Variants in ANKRD44 observed in about 807,000 individuals in gnomAD.
The protein encoded by ANKRD44 is ankyrin repeat domain 44, also known as serine/threonine-protein phosphatase 6 regulatory ankyrin repeat subunit B.
Under a neutral mutation model 116.0 loss-of-function variants are expected in ANKRD44, and 35 were observed. The ratio of observed to expected loss-of-function variants is 0.30; its 90% confidence interval spans 0.23 to 0.40. The LOEUF (loss-of-function observed/expected upper bound fraction) is 0.40. Among genes scored for constraint, ANKRD44 ranks in the 10% least tolerant of loss-of-function variants. ANKRD44 has a pLI of 1.00. For missense variants in ANKRD44, 1,014 were observed against 1,242.6 expected (o/e 0.82, Z 2.77); for synonymous variants, 435 against 461.8 (o/e 0.94, Z 0.74).
chr2:197,138,182 A>G (rs942068486), intron 3 of ANKRD44, among the ~76,000 whole-genome samples: 4 of 152,216 alleles, frequency 2.6e-5, no homozygotes, highest in South Asian at 2.1e-4. Flanking sequence ...TGCTTTGTAA[A>G]TTGCAAGGCA....
chr2:197,076,965 T>C (rs1168861896), intron 16 of ANKRD44, among the ~76,000 whole-genome samples: 1 of 152,228 alleles, frequency 6.6e-6, no homozygotes, highest in East Asian at 1.9e-4. Context: ...GCAATGAACA[T>C]ACATATGCAT....
chr2:197,122,807 C>A lies in ANKRD44; in HGVS notation c.551-15G>T. On this transcript the variant is annotated splice_polypyrimidine_tract_variant and intron_variant, in intron 6 of 27. Coordinates refer to ENST00000282272, the MANE Select transcript of ANKRD44 (RefSeq NM_001195144.2). ...ATCCAAGTGGCCTTTACAAACAAAG[C>A]AGCAGAAAACATCGTTAACCTTTAT... is the stretch of plus-strand genomic sequence containing the variant. 3 of 1,611,108 alleles carry A rather than the reference C, an allele frequency of 1.9e-6. No individual in the cohort carries two copies. Among genetic ancestry groups the A allele is most frequent in the Non-Finnish European group, 2.5e-6 (3 of 1,178,940 alleles).
chr2:197,200,075 T>A (rs1218926400), intron 1 of ANKRD44, among the ~76,000 whole-genome samples: 1 of 152,210 alleles, frequency 6.6e-6, no homozygotes, highest in Non-Finnish European at 1.5e-5. Context: ...CCTAAAAGAC[T>A]GCCAAATATA....
chr2:197,220,108 G>T (rs1050500512), intron 1 of ANKRD44, among the ~76,000 whole-genome samples: 1 of 152,188 alleles, frequency 6.6e-6, no homozygotes, highest in East Asian at 1.9e-4. Context: ...ACACAAGAAT[G>T]AAAGTGTACA....
chr2:197,298,672 C>T (rs146885802), intron 1 of ANKRD44, among the ~76,000 whole-genome samples: 175 of 152,274 alleles, frequency 1.1e-3, no homozygotes, highest in African/African-American at 4.0e-3. Context: ...CCTGTAATCT[C>T]AGCACTTTGG....
intron 2 of ANKRD44, among the ~76,000 whole-genome samples, chr2:197,169,524 T>C (rs1219785453): frequency 6.6e-6 from 1 of 152,202 alleles, no homozygotes; most frequent in East Asian, 1.9e-4. Context: ...TGAATAAATT[T>C]ACTTGCATAC....
At chr2:197,105,792 C>G (rs568829997) in intron 9 of ANKRD44, among the ~76,000 whole-genome samples, 1 of 152,164 alleles carries the variant, frequency 6.6e-6, no homozygotes, top group Non-Finnish European at 1.5e-5. Flanking sequence ...CCCACAGATA[C>G]CTCAGAGCAA....
rs533712657 is a variant in ANKRD44, at chr2:197,128,293, A to G, written c.262-2256T>C. Among the ~76,000 whole-genome samples, 10 of 152,226 alleles carry G rather than the reference A, an allele frequency of 6.6e-5. No homozygotes were observed. In the East Asian group the frequency reaches 1.5e-3, roughly 24 times the overall value. On this transcript the variant is annotated intron_variant, in intron 4 of 27. Transcript: ENST00000282272. ...AGCTTTCCTTTTTCTCTGCAACCTC[A>G]CCAGCATCTCTTGTTTCTTGACATT...
rs886564406 is a variant in ANKRD44 at position 197,285,685 on chromosome 2, C to G, written c.27+24893G>C. 3.3e-5 allele frequency among the ~76,000 whole-genome samples: 5 copies of G among 152,198 alleles called. No homozygotes were observed. In the East Asian group the frequency reaches 7.7e-4, roughly 24 times the overall value. ...CACCGTTTGCTCATCTCAGGCATGC[C>G]CCCAGTCACAAATTCCTGCAAAATA... On this transcript the variant is annotated intron_variant, in intron 1 of 27. Transcript: ENST00000282272.
Position 196,978,988 on chromosome 2 carries a change from A to G in ANKRD44, c.2369-11542T>C, listed in dbSNP as rs532254911. Among the ~76,000 whole-genome samples, 294 of 152,172 alleles carry G rather than the reference A, an allele frequency of 1.9e-3. 2 individuals are homozygous for G. Among genetic ancestry groups the G allele is most frequent in the African/African-American group, 6.9e-3 (286 of 41,548 alleles). ...AAATAGATATAGCATAGTCGTAAAGATTATTAATTCTGGAGCCACTTGACT... is the reference window on the plus strand; with the variant it reads ...AAATAGATATAGCATAGTCGTAAAGGTTATTAATTCTGGAGCCACTTGACT... On this transcript the variant is annotated intron_variant, in intron 21 of 21. Transcript: ENST00000424317.
intron 1 of ANKRD44, among the ~76,000 whole-genome samples, chr2:197,222,440 A>G (rs932982876): frequency 1.2e-4 from 19 of 152,202 alleles, no homozygotes; most frequent in African/African-American, 4.3e-4. Context: ...TCAGATCCCC[A>G]TCACTTGTGG....
At chr2:197,078,418 C>A in intron 16 of ANKRD44, 1 of 622,930 alleles carries the variant, frequency 1.6e-6, no homozygotes, top group Non-Finnish European at 2.4e-6. Flanking sequence ...CATGGCAATG[C>A]TGGTGTTAGG....
Position 197,206,950 on chromosome 2 carries a change from T to G in ANKRD44, c.28-19844A>C, listed in dbSNP as rs184069942. 1.4e-3 allele frequency among the ~76,000 whole-genome samples: 207 copies of G among 152,304 alleles called. 1 individual carries two copies. Among genetic ancestry groups the G allele is most frequent in the African/African-American group, 4.9e-3 (205 of 41,570 alleles). ...GACTGTCTGCTCTCAGTGTATTTCATTCAAGGAAAGTAAGAAAAATTTACC... is the reference window on the plus strand; with the variant it reads ...GACTGTCTGCTCTCAGTGTATTTCAGTCAAGGAAAGTAAGAAAAATTTACC... On this transcript the variant is annotated intron_variant, in intron 1 of 27. Transcript: ENST00000282272.
In ANKRD44 at chr2:197,247,396, A is replaced by T. The variant is rs117750194; in HGVS notation, c.28-60290T>A. ...TATGGCTTCCCAGTCCAGGAAACAG[A>T]TTCCTTACAATGTACCCTTTTGTTC... On this transcript the variant is annotated intron_variant, in intron 1 of 27. Transcript: ENST00000282272. 3.0e-4 allele frequency among the ~76,000 whole-genome samples: 45 copies of T among 152,334 alleles called. No individual in the cohort carries two copies. In the East Asian group the frequency reaches 7.7e-3, roughly 26 times the overall value.
At chr2:197,011,116 C>T (rs2076291763) in intron 18 of ANKRD44, among the ~76,000 whole-genome samples, 1 of 152,130 alleles carries the variant, frequency 6.6e-6, no homozygotes, top group African/African-American at 2.4e-5. Context: ...CTTACAATTA[C>T]ACTAAATCTG....
chr2:197,244,580 A>G (rs1254902681), intron 1 of ANKRD44, among the ~76,000 whole-genome samples: 1 of 152,230 alleles, frequency 6.6e-6, no homozygotes, highest in East Asian at 1.9e-4. Flanking sequence ...ATGTGTCAGA[A>G]CTCATCTACC....
chr2:197,106,467 T>A (rs1011105928), intron 9 of ANKRD44, among the ~76,000 whole-genome samples: 3 of 150,930 alleles, frequency 2.0e-5, no homozygotes, highest in Admixed American at 6.6e-5. Flanking sequence ...ATAATTATTG[T>A]CCATATGTGC....
intron 6 of ANKRD44, among the ~76,000 whole-genome samples, chr2:197,123,984 C>G (rs942830648): frequency 6.6e-6 from 1 of 152,132 alleles, no homozygotes; most frequent in Non-Finnish European, 1.5e-5. Flanking sequence ...TATCCAAATG[C>G]TTTAACTGTA....
At chr2:197,227,814 C>T (rs1009481414) in intron 1 of ANKRD44, among the ~76,000 whole-genome samples, 2 of 152,150 alleles carry the variant, frequency 1.3e-5, no homozygotes, top group Non-Finnish European at 2.9e-5. Flanking sequence ...CAGATAATAC[C>T]TAACCTGACT....
Sources: gnomAD v4.1 joint callset for allele counts (sites outside exome capture counted in the v4.1 genomes callset) on GRCh38, gnomAD v4.1.1 for gene constraint, MANE v1.5 for transcripts, NCBI Gene and HGNC (gene_info 2026-07-23, HGNC 2026-07-21) for gene names.